The following CATSPER3 variants were observed in gnomAD, a reference collection of about 807,000 sequenced individuals.
CATSPER3 encodes the protein cation channel sperm associated 3, also known as cation channel sperm-associated protein 3.
A neutral mutation model predicts 36.6 loss-of-function variants in CATSPER3; 23 were observed. The observed-to-expected ratio is 0.63, with a 90% CI of 0.45 to 0.89. The LOEUF (loss-of-function observed/expected upper bound fraction) is 0.89. Among genes scored for constraint, CATSPER3 ranks in the 40% least tolerant of loss-of-function variants. The probability of loss-of-function intolerance (pLI) is 0.00; values close to 1 mark genes in which losing one functional copy is unlikely to be tolerated. For missense variants in CATSPER3, 474 were observed against 503.9 expected (o/e 0.94, Z 0.57); for synonymous variants, 172 against 184.1 (o/e 0.93, Z 0.53).
intron 3 of CATSPER3, among the ~76,000 whole-genome samples, chr5:135,005,322 A>G (rs1482036484): frequency 6.6e-6 from 1 of 152,206 alleles, no homozygotes; most frequent in Non-Finnish European, 1.5e-5. Flanking sequence ...ATGCAGAGGC[A>G]ACAGGCACAC....
At position 134,979,011 on chromosome 5, in the gene CATSPER3, C is replaced by T. The variant is rs574120107; in HGVS notation, c.252+8919C>T. Among the ~76,000 whole-genome samples the T allele has an allele frequency of 3.7e-3, 563 of 152,278 alleles. 7 individuals are homozygous for T. Among genetic ancestry groups the T allele is most frequent in the African/African-American group, 0.012 (518 of 41,564 alleles). The stretch of plus-strand genomic sequence containing the variant: ...TGCTGGGATTACAGGCATGAGCCAC[C>T]GTGCCCAGCCAGTTTTGTTATATTT... On this transcript the variant is annotated intron_variant, in intron 2 of 7. Transcript: ENST00000282611.
In CATSPER3 at chr5:134,985,897, TCAAA is replaced by T. The variant is rs368891040; in HGVS notation, c.253-10366_253-10363del. ...CTACGTGATAGAGCAAGATCTTGTC[TCAAA>T]CAAACAAACTGACAAAATCCCCCCA... On this transcript the variant is annotated intron_variant, in intron 2 of 7. Coordinates refer to ENST00000282611, the MANE Select transcript of CATSPER3 (RefSeq NM_178019.3). Among the ~76,000 whole-genome samples, 231 of 151,668 alleles carry T rather than the reference TCAAA, an allele frequency of 1.5e-3. 5 individuals carry two copies. In the South Asian group the frequency reaches 0.042, roughly 28 times the overall value.
chr5:135,007,253 G>T (rs1040706123), intron 3 of CATSPER3, among the ~76,000 whole-genome samples: 1 of 152,200 alleles, frequency 6.6e-6, no homozygotes, highest in Non-Finnish European at 1.5e-5. Flanking sequence ...ATTTTGAAGT[G>T]GGAAGAATGA....
intron 2 of CATSPER3, among the ~76,000 whole-genome samples, chr5:134,981,787 C>T (rs908173097): frequency 7.2e-5 from 11 of 152,116 alleles, no homozygotes; most frequent in Admixed American, 7.2e-4. Context: ...AGAAACTCTT[C>T]CTGAGGAAAC....
At chr5:135,009,047 C>G in intron 5 of CATSPER3, 66 bp downstream of exon 5, 1 of 1,607,566 alleles carries the variant, frequency 6.2e-7, no homozygotes, top group Non-Finnish European at 8.5e-7. Context: ...TAGGGCAAGT[C>G]TCCAGGGAGG....
chr5:134,982,318 TGA>T (rs1484444445), intron 2 of CATSPER3, among the ~76,000 whole-genome samples: 1 of 152,028 alleles, frequency 6.6e-6, no homozygotes, highest in Non-Finnish European at 1.5e-5. Context: ...CCAAATTTGA[TGA>T]GAGACATGAA....
intron 4 of CATSPER3, among the ~76,000 whole-genome samples, chr5:135,008,354 T>G (rs1752118166): frequency 6.6e-6 from 1 of 152,196 alleles, no homozygotes; most frequent in African/African-American, 2.4e-5. Context: ...CTTATAGTGC[T>G]TCCACATGTC....
At chr5:134,982,339 T>C (rs1230859267) in intron 2 of CATSPER3, among the ~76,000 whole-genome samples, 2 of 151,736 alleles carry the variant, frequency 1.3e-5, no homozygotes, top group Non-Finnish European at 2.9e-5. Flanking sequence ...AATATATACA[T>C]CCAAAAATTC....
intron 2 of CATSPER3, among the ~76,000 whole-genome samples, chr5:134,972,982 A>T (rs544482650): frequency 6.6e-6 from 1 of 152,352 alleles, no homozygotes; most frequent in East Asian, 1.9e-4. Flanking sequence ...AAATAGAGTT[A>T]CATATTTAAG....
chr5:135,010,792 A>T (rs1282962662), intron 7 of CATSPER3, among the ~76,000 whole-genome samples: 1 of 152,142 alleles, frequency 6.6e-6, no homozygotes, highest in Non-Finnish European at 1.5e-5. Flanking sequence ...CAGCTCCTTG[A>T]AGTCTCCAGG....
At chr5:134,996,071 A>G (rs1161369443) in intron 2 of CATSPER3, among the ~76,000 whole-genome samples, 1 of 152,234 alleles carries the variant, frequency 6.6e-6, no homozygotes, top group Non-Finnish European at 1.5e-5. Context: ...CCCCAGGTGT[A>G]GGGCCACGGG....
chr5:135,000,813 T>C (rs1163116719), intron 3 of CATSPER3, among the ~76,000 whole-genome samples: 6 of 151,840 alleles, frequency 4.0e-5, no homozygotes, highest in Admixed American at 3.9e-4. Context: ...TTCTCTCTTT[T>C]CTTCTTTATT....
At chr5:134,985,369 T>TTTAA (rs1751796039) in intron 2 of CATSPER3, among the ~76,000 whole-genome samples, 4 of 152,142 alleles carry the variant, frequency 2.6e-5, no homozygotes, top group Non-Finnish European at 4.4e-5. Context: ...AAGTGGGAGC[T>TTTAA]AAACTGTGGG....
intron 3 of CATSPER3, among the ~76,000 whole-genome samples, chr5:134,996,884 T>C: frequency 6.6e-6 from 1 of 152,192 alleles, no homozygotes; most frequent in East Asian, 1.9e-4. Flanking sequence ...ACGCCTTGGC[T>C]TTTTGGTGGC....
chr5:134,979,667 G>A (rs977593978), intron 2 of CATSPER3, among the ~76,000 whole-genome samples: 2 of 152,314 alleles, frequency 1.3e-5, no homozygotes, highest in South Asian at 2.1e-4. Context: ...AGGCCTAGAA[G>A]GGAGATTCTT....
intron 1 of CATSPER3, chr5:134,969,479 T>C (rs894829608): frequency 5.9e-6 from 1 of 169,912 alleles, no homozygotes; most frequent in African/African-American, 2.4e-5. Flanking sequence ...TGTGCCCATT[T>C]TCTCTTGGGG....
intron 2 of CATSPER3, among the ~76,000 whole-genome samples, chr5:134,970,488 C>T (rs1380832599): frequency 6.6e-6 from 1 of 151,382 alleles, no homozygotes; most frequent in Non-Finnish European, 1.5e-5. Context: ...TATTTTGCTT[C>T]AAGAAATTTT....
intron 2 of CATSPER3, among the ~76,000 whole-genome samples, chr5:134,994,566 A>G (rs1056490779): frequency 1.3e-5 from 2 of 152,226 alleles, no homozygotes; most frequent in African/African-American, 4.8e-5. Flanking sequence ...TATCTGAGAG[A>G]TACTTTAGAC....
chr5:134,994,701 A>G (rs562574831), intron 2 of CATSPER3, among the ~76,000 whole-genome samples: 5 of 152,330 alleles, frequency 3.3e-5, no homozygotes, highest in African/African-American at 1.2e-4. Context: ...CACCAGGCCT[A>G]CAAGGCATGA....
Sources: gnomAD v4.1 joint callset for allele counts (sites outside exome capture counted in the v4.1 genomes callset) on GRCh38, gnomAD v4.1.1 for gene constraint, MANE v1.5 for transcripts, NCBI Gene and HGNC (gene_info 2026-07-23, HGNC 2026-07-21) for gene names.